The following SWAP70 variants were observed in gnomAD, a reference collection of about 807,000 sequenced individuals.
SWAP70 encodes switch-associated protein 70.
A neutral mutation model predicts 80.2 loss-of-function variants in SWAP70; 34 were observed. That is an observed-to-expected ratio of 0.42 (90% CI 0.32 to 0.56). The LOEUF (loss-of-function observed/expected upper bound fraction) is 0.56. Among genes scored for constraint, SWAP70 ranks in the 20% least tolerant of loss-of-function variants. The pLI is 0.09. For synonymous variants in SWAP70, 239 were observed against 238.5 expected (o/e 1.00, Z -0.02); for missense variants, 578 against 690.7 (o/e 0.84, Z 1.83).
intron 1 of SWAP70, among the ~76,000 whole-genome samples, chr11:9,671,407 A>T (rs1473753485): frequency 3.9e-5 from 4 of 102,774 alleles, no homozygotes; most frequent in African/African-American, 8.5e-5. Context: ...TAAATATATA[A>T]AAATATATTT....
Position 9,664,155 on chromosome 11 carries a change from T to G in SWAP70, c.-25T>G. 2 of 1,544,826 alleles carry G rather than the reference T, an allele frequency of 1.3e-6. No homozygotes were observed. The highest frequency in any genetic ancestry group is 8.7e-7 in the Non-Finnish European group (1 of 1,148,032). ...GGAGGGGCTGGCTGGGCAGGAGGGGTTGGCGGGGCAGCAGGGCCGCGGCCA... is the reference window on the plus strand; with the variant it reads ...GGAGGGGCTGGCTGGGCAGGAGGGGGTGGCGGGGCAGCAGGGCCGCGGCCA... On this transcript the variant is annotated 5_prime_UTR_variant, in exon 1 of 12. Coordinates refer to ENST00000318950, the MANE Select transcript of SWAP70 (RefSeq NM_015055.4).
chr11:9,732,777 A>G, intron 7 of SWAP70, 67 bp downstream of exon 7: 1 of 1,429,362 alleles, frequency 7.0e-7, no homozygotes. Flanking sequence ...TGCCTTGCTT[A>G]GGGGTGTTGG....
chr11:9,670,134 T>C (rs1427995543), intron 1 of SWAP70, among the ~76,000 whole-genome samples: 1 of 151,790 alleles, frequency 6.6e-6, no homozygotes, highest in East Asian at 1.9e-4. Flanking sequence ...CTAGAGTGGA[T>C]TGGGAAGATA....
chr11:9,672,078 TAAA>T (rs1290570434), intron 1 of SWAP70, among the ~76,000 whole-genome samples: 1 of 127,186 alleles, frequency 7.9e-6, no homozygotes, highest in Non-Finnish European at 1.6e-5. Context: ...AATATATAAT[TAAA>T]TAATAATTTA....
intron 2 of SWAP70, among the ~76,000 whole-genome samples, chr11:9,695,486 T>G (rs562544504): frequency 1.3e-5 from 2 of 152,148 alleles, no homozygotes; most frequent in East Asian, 3.9e-4. Flanking sequence ...TGGATGAAGC[T>G]GGAAGCCATC....
rs1565111579 is a variant in SWAP70 at position 9,675,332 on chromosome 11, AG to A, written c.99+11055del. 3.9e-3 allele frequency among the ~76,000 whole-genome samples: 284 copies of A among 73,748 alleles called. 21 individuals carry two copies. Among genetic ancestry groups the A allele is most frequent in the African/African-American group, 9.7e-3 (261 of 26,902 alleles). 48.4% of individuals were successfully genotyped at this position (73,748 alleles called of 152,430 possible). A position where few individuals can be genotyped will look rare whatever the true frequency, so the allele number is the denominator to read the frequency against. On this transcript the variant is annotated intron_variant, in intron 1 of 11. Coordinates refer to ENST00000318950, the MANE Select transcript of SWAP70 (RefSeq NM_015055.4). The stretch of plus-strand genomic sequence containing the variant: ...AACAGAGAGGGAGCGAGAGAGAGAG[AG>A]AGAGAGAGGGAGCGAGAGAGAGAGA...
At chr11:9,666,235 G>C (rs376337524) in intron 1 of SWAP70, among the ~76,000 whole-genome samples, 1 of 151,690 alleles carries the variant, frequency 6.6e-6, no homozygotes, top group Non-Finnish European at 1.5e-5. Context: ...GCAGGTGTGC[G>C]TCACCACACC....
At chr11:9,736,072 T>C (rs934540842) in intron 7 of SWAP70, among the ~76,000 whole-genome samples, 1 of 152,170 alleles carries the variant, frequency 6.6e-6, no homozygotes, top group Non-Finnish European at 1.5e-5. Flanking sequence ...TGTTTTCCAG[T>C]TGCATAATTT....
chr11:9,698,847 T>C (rs762830204), intron 2 of SWAP70, among the ~76,000 whole-genome samples: 24 of 152,318 alleles, frequency 1.6e-4, no homozygotes, highest in Non-Finnish European at 3.1e-4. Context: ...GCAATGTGTA[T>C]ACATTGTGGA....
intron 1 of SWAP70, among the ~76,000 whole-genome samples, chr11:9,688,288 A>T (rs1413996744): frequency 6.6e-6 from 1 of 152,242 alleles, no homozygotes; most frequent in African/African-American, 2.4e-5. Context: ...AGAAATGTAC[A>T]GTCTTACAGG....
intron 3 of SWAP70, chr11:9,720,601 G>C (rs1465852276): frequency 1.9e-6 from 1 of 521,880 alleles, no homozygotes; most frequent in African/African-American, 2.1e-5. Flanking sequence ...CTATACACAT[G>C]TGCTTCCTTT....
At chr11:9,675,931 T>TA (rs5789611) in intron 1 of SWAP70, among the ~76,000 whole-genome samples, 99,214 of 151,480 alleles carry the variant, frequency 0.65, 32,808 homozygotes, top group South Asian at 0.82. Context: ...ATTGGATTGT[T>TA]AAATACAACT....
In SWAP70 at chr11:9,702,454, C is replaced by T. The variant is rs189101761; in HGVS notation, c.240+8168C>T. ...TGAGATAAGGTCTTGCTCTGTTGCC[C>T]ACGCTGGAGTGCAGTGACATGATCA... On this transcript the variant is annotated intron_variant, in intron 2 of 11. Transcript: ENST00000318950. Among the ~76,000 whole-genome samples, 63 of 151,896 alleles carry T rather than the reference C, an allele frequency of 4.1e-4. No individual in the cohort carries two copies. The East Asian group carries it at 6.8e-3, about 16-fold the overall frequency.
intron 1 of SWAP70, among the ~76,000 whole-genome samples, chr11:9,686,256 A>G (rs1441655012): frequency 1.3e-5 from 2 of 151,916 alleles, no homozygotes; most frequent in Non-Finnish European, 2.9e-5. Context: ...ACACACATGC[A>G]TATACACATA....
chr11:9,735,823 C>T (rs1851356081), intron 7 of SWAP70, among the ~76,000 whole-genome samples: 1 of 152,086 alleles, frequency 6.6e-6, no homozygotes, highest in African/African-American at 2.4e-5. Context: ...CTTTGTCTTT[C>T]AACAGTTTTA....
intron 8 of SWAP70, 52 bp downstream of exon 8, chr11:9,738,372 G>T (rs987275964): frequency 1.5e-6 from 2 of 1,378,662 alleles, no homozygotes; most frequent in African/African-American, 1.5e-5. Context: ...GCCTGGGTCG[G>T]TGGGAACAGG....
At chr11:9,730,261 C>T (rs539413732) in intron 6 of SWAP70, among the ~76,000 whole-genome samples, 1 of 147,370 alleles carries the variant, frequency 6.8e-6, no homozygotes, top group Non-Finnish European at 1.5e-5. Flanking sequence ...GAGGCAGAGG[C>T]GGGTGGATCA....
chr11:9,733,330 G>C (rs766174989), intron 7 of SWAP70, among the ~76,000 whole-genome samples: 1 of 152,208 alleles, frequency 6.6e-6, no homozygotes, highest in Non-Finnish European at 1.5e-5. Context: ...GGCTGAGTCT[G>C]TCTGCCTTGA....
At chr11:9,674,555 C>T (rs1430962530) in intron 1 of SWAP70, among the ~76,000 whole-genome samples, 2 of 152,040 alleles carry the variant, frequency 1.3e-5, no homozygotes, top group Non-Finnish European at 2.9e-5. Flanking sequence ...TAAAAATTAG[C>T]TGGACATGGT....
Sources: gnomAD v4.1 joint callset for allele counts (sites outside exome capture counted in the v4.1 genomes callset) on GRCh38, gnomAD v4.1.1 for gene constraint, MANE v1.5 for transcripts, NCBI Gene and HGNC (gene_info 2026-07-23, HGNC 2026-07-21) for gene names.